The following NKAIN3 variants were observed in gnomAD, a reference collection of about 807,000 sequenced individuals.
The protein encoded by NKAIN3 is sodium/potassium transporting ATPase interacting 3.
In NKAIN3, 25 loss-of-function variants were observed where a neutral mutation model predicts 30.2. The ratio of observed to expected loss-of-function variants is 0.83; its 90% CI spans 0.60 to 1.16. The LOEUF (loss-of-function observed/expected upper bound fraction) is 1.16, where lower values mean the gene tolerates loss of function less well. Among genes scored for constraint, NKAIN3 ranks in the 50% most tolerant of loss-of-function variants. The probability of loss-of-function intolerance (pLI) is 0.00; values close to 1 mark genes in which losing one functional copy is unlikely to be tolerated. For missense variants in NKAIN3, 225 were observed against 254.1 expected (o/e 0.89, Z 0.78); for synonymous variants, 91 against 89.6 (o/e 1.02, Z -0.09).
intron 1 of NKAIN3, among the ~76,000 whole-genome samples, chr8:62,495,162 A>T (rs1585870821): frequency 6.6e-6 from 1 of 152,134 alleles, no homozygotes; most frequent in Non-Finnish European, 1.5e-5. Context: ...GCCATACTGC[A>T]GTTTTGCTAT....
intron 1 of NKAIN3, among the ~76,000 whole-genome samples, chr8:62,265,625 G>A (rs2129390981): frequency 6.6e-6 from 1 of 152,168 alleles, no homozygotes; most frequent in East Asian, 1.9e-4. Context: ...GTGTCTTCAA[G>A]CCTATTCCCT....
intron 3 of NKAIN3, among the ~76,000 whole-genome samples, chr8:62,740,668 T>G (rs1009649235): frequency 6.6e-6 from 1 of 151,950 alleles, no homozygotes; most frequent in African/African-American, 2.4e-5. Flanking sequence ...ATAAGCTGAT[T>G]CTAATATAGC....
At chr8:62,754,979 A>T (rs1311575890) in intron 4 of NKAIN3, among the ~76,000 whole-genome samples, 2 of 152,202 alleles carry the variant, frequency 1.3e-5, no homozygotes, top group African/African-American at 4.8e-5. Context: ...CCTCTCCAAA[A>T]ATGTAAATAT....
chr8:62,271,547 T>C (rs1812778571), intron 1 of NKAIN3, among the ~76,000 whole-genome samples: 1 of 152,172 alleles, frequency 6.6e-6, no homozygotes, highest in Non-Finnish European at 1.5e-5. Flanking sequence ...TAATATAATG[T>C]CTTCCTTACA....
rs535961300 is a variant in NKAIN3, at chr8:62,365,639, G to A, written c.54+116512G>A. 1.0e-3 allele frequency among the ~76,000 whole-genome samples: 159 copies of A among 152,132 alleles called. 1 individual carries two copies. Among genetic ancestry groups the A allele is most frequent in the African/African-American group, 3.7e-3 (153 of 41,498 alleles). ...CTACAAGAATTTCTCTAAGCTTATC[G>A]GTGTGAAATTGCTAAATCATAGCAT... On this transcript the variant is annotated intron_variant, in intron 1 of 6. Coordinates refer to ENST00000623646, the MANE Select transcript of NKAIN3 (RefSeq NM_001304533.3).
chr8:62,542,958 A>G (rs1328506046), intron 1 of NKAIN3, among the ~76,000 whole-genome samples: 2 of 152,206 alleles, frequency 1.3e-5, no homozygotes, highest in Admixed American at 6.5e-5. Context: ...CAGAGTTGCC[A>G]TGGCTCTTGT....
intron 1 of NKAIN3, among the ~76,000 whole-genome samples, chr8:62,438,910 A>T (rs1805245134): frequency 6.6e-6 from 1 of 152,138 alleles, no homozygotes; most frequent in South Asian, 2.1e-4. Flanking sequence ...AAGAGCTCAG[A>T]TATCCTCACA....
At chr8:62,870,582 G>C (rs55919106) in intron 4 of NKAIN3, among the ~76,000 whole-genome samples, 14,427 of 131,336 alleles carry the variant, frequency 0.11, 973 homozygotes, top group Admixed American at 0.14. Flanking sequence ...ACCATATATA[G>C]TACATATATA....
intron 3 of NKAIN3, among the ~76,000 whole-genome samples, chr8:62,658,851 A>T (rs748467958): frequency 2.0e-5 from 3 of 151,928 alleles, no homozygotes; most frequent in African/African-American, 7.3e-5. Flanking sequence ...TTCGCTATGG[A>T]CATATTTTTA....
chr8:62,376,440 G>C (rs1433423863), intron 1 of NKAIN3, among the ~76,000 whole-genome samples: 2 of 152,130 alleles, frequency 1.3e-5, no homozygotes, highest in Non-Finnish European at 2.9e-5. Flanking sequence ...TCTAAATGCT[G>C]TCTCTAGTCT....
chr8:62,503,601 A>G (rs1807530490), intron 1 of NKAIN3, among the ~76,000 whole-genome samples: 2 of 151,978 alleles, frequency 1.3e-5, no homozygotes, highest in Admixed American at 1.3e-4. Context: ...CATAGGACAG[A>G]CACTCCCAGA....
chr8:62,336,232 G>C (rs1044177763), intron 1 of NKAIN3, among the ~76,000 whole-genome samples: 1 of 151,936 alleles, frequency 6.6e-6, no homozygotes, highest in African/African-American at 2.4e-5. Flanking sequence ...ATCTTGCTTA[G>C]AAACAGAAAA....
At chr8:62,376,285 T>G (rs1342435866) in intron 1 of NKAIN3, among the ~76,000 whole-genome samples, 3 of 152,198 alleles carry the variant, frequency 2.0e-5, no homozygotes, top group Admixed American at 6.5e-5. Context: ...GAATTTAAAA[T>G]ATAATACTCT....
At chr8:62,279,171 G>A (rs1053663011) in intron 1 of NKAIN3, among the ~76,000 whole-genome samples, 1 of 152,172 alleles carries the variant, frequency 6.6e-6, no homozygotes, top group African/African-American at 2.4e-5. Flanking sequence ...CTGCATAAAT[G>A]TCTTCTTTTG....
chr8:62,810,044 A>G (rs1818440609), intron 4 of NKAIN3, among the ~76,000 whole-genome samples: 1 of 152,152 alleles, frequency 6.6e-6, no homozygotes, highest in African/African-American at 2.4e-5. Context: ...GGTGGAAGTC[A>G]GACCTTGAAG....
At chr8:62,279,152 G>A (rs1813081172) in intron 1 of NKAIN3, among the ~76,000 whole-genome samples, 1 of 152,156 alleles carries the variant, frequency 6.6e-6, no homozygotes, top group Admixed American at 6.5e-5. Flanking sequence ...TTTTTCACGT[G>A]TCTGTTGGCT....
chr8:62,909,199 T>A (rs1375513241), intron 4 of NKAIN3, among the ~76,000 whole-genome samples: 1 of 152,162 alleles, frequency 6.6e-6, no homozygotes, highest in Non-Finnish European at 1.5e-5. Context: ...GGCCTGCAGG[T>A]CAAAACAAAC....
chr8:62,464,300 G>A (rs937651095), intron 1 of NKAIN3, among the ~76,000 whole-genome samples: 20 of 152,178 alleles, frequency 1.3e-4, no homozygotes, highest in African/African-American at 4.6e-4. Context: ...GAAAGCTGGT[G>A]CCATCTGACA....
chr8:62,889,116 C>T (rs1821228213), intron 4 of NKAIN3, among the ~76,000 whole-genome samples: 2 of 152,100 alleles, frequency 1.3e-5, no homozygotes, highest in Non-Finnish European at 2.9e-5. Context: ...CGCCTGTAAA[C>T]CCAGCACTTT....
Sources: gnomAD v4.1 joint callset for allele counts (sites outside exome capture counted in the v4.1 genomes callset) on GRCh38, gnomAD v4.1.1 for gene constraint, MANE v1.5 for transcripts, NCBI Gene and HGNC (gene_info 2026-07-23, HGNC 2026-07-21) for gene names.